Variants in CLTCL1 observed in about 807,000 individuals in gnomAD.
CLTCL1 encodes clathrin heavy chain 2.
In CLTCL1, 159 loss-of-function variants were observed where a neutral mutation model predicts 190.0. That is an observed-to-expected ratio of 0.84 (90% CI 0.74 to 0.95). CLTCL1 has a LOEUF of 0.95. Among genes scored for constraint, CLTCL1 ranks in the 40% least tolerant of loss-of-function variants. The probability of loss-of-function intolerance (pLI) is 0.00; values close to 1 mark genes in which losing one functional copy is unlikely to be tolerated. For missense variants in CLTCL1, 1,878 were observed against 2,033.4 expected (o/e 0.92, Z 1.47); for synonymous variants, 752 against 769.6 (o/e 0.98, Z 0.38).
chr22:19,196,460 G>A (rs782630647), intron 25 of CLTCL1, 29 bp downstream of exon 25: 1 of 1,613,930 alleles, frequency 6.2e-7, no homozygotes, highest in South Asian at 1.1e-5. Flanking sequence ...CGTGGCCACG[G>A]CTGCCAGACT....
At chr22:19,266,979 C>A (rs1289251125) in intron 2 of CLTCL1, among the ~76,000 whole-genome samples, 1 of 152,154 alleles carries the variant, frequency 6.6e-6, no homozygotes, top group African/African-American at 2.4e-5. Context: ...TAATACTGTA[C>A]TGGGTATTCT....
chr22:19,254,124 A>C lies in CLTCL1; in HGVS notation c.354T>G (p.Thr118=), dbSNP rs2086679607. 2 of 1,613,588 alleles carry C rather than the reference A, an allele frequency of 1.2e-6. No individual in the cohort carries two copies. Among genetic ancestry groups the C allele is most frequent in the East Asian group, 2.2e-5 (1 of 44,896 alleles). ...VIFWKWVSVN[T]VALVTETAVY... Reference sequence around the variant, plus strand: ...CCGCGGTCTCGGTCACCAAGGCAACAGTGTTCACAGAAACCCATTTCCAGA... The same window carrying C: ...CCGCGGTCTCGGTCACCAAGGCAACCGTGTTCACAGAAACCCATTTCCAGA... Residue 118 remains threonine, a synonymous_variant, in exon 3 of 33, where the codon ACT becomes ACG. Coordinates refer to ENST00000427926, the MANE Select transcript of CLTCL1 (RefSeq NM_007098.4).
At chr22:19,248,713 A>G (rs2086496848) in intron 3 of CLTCL1, among the ~76,000 whole-genome samples, 1 of 152,084 alleles carries the variant, frequency 6.6e-6, no homozygotes, top group Non-Finnish European at 1.5e-5. Context: ...TCCAAGGTTC[A>G]TTCATGATGT....
chr22:19,202,554 T>TCCCGCACCACCCCTGCTTCACCATCCAC (rs2084930728), intron 22 of CLTCL1, among the ~76,000 whole-genome samples: 1 of 37,882 alleles, frequency 2.6e-5, no homozygotes, highest in Non-Finnish European at 4.4e-5. Context: ...CTGTCATCCA[T>TCCCGCACCACCCCTGCTTCACCATCCAC]GGCACCTCCC....
intron 3 of CLTCL1, among the ~76,000 whole-genome samples, chr22:19,250,415 T>G (rs1348708624): frequency 6.6e-6 from 1 of 151,464 alleles, no homozygotes; most frequent in African/African-American, 2.4e-5. Flanking sequence ...CATGGCTCAC[T>G]GTAACCTTGA....
intron 30 of CLTCL1, chr22:19,181,325 T>C: frequency 6.4e-6 from 1 of 156,198 alleles, no homozygotes; most frequent in Non-Finnish European, 1.4e-5. Flanking sequence ...TCCTCACTCT[T>C]CCCTGAGGCT....
intron 1 of CLTCL1, among the ~76,000 whole-genome samples, chr22:19,278,043 T>C (rs1245152796): frequency 2.0e-5 from 3 of 152,286 alleles, no homozygotes; most frequent in Non-Finnish European, 4.4e-5. Flanking sequence ...AGGATACTGA[T>C]GAACCGCCAG....
intron 18 of CLTCL1, among the ~76,000 whole-genome samples, chr22:19,217,615 C>CAA (rs71184793): frequency 0.012 from 411 of 34,412 alleles, 14 homozygotes; most frequent in Middle Eastern, 0.024. Flanking sequence ...GACTCTGTCT[C>CAA]AAAAAAAAAA....
At chr22:19,238,801 C>T (rs899003517) in intron 5 of CLTCL1, 1 of 153,684 alleles carries the variant, frequency 6.5e-6, no homozygotes, top group African/African-American at 2.4e-5. Flanking sequence ...TCTAGGCTCC[C>T]TCAATGGCAG....
intron 19 of CLTCL1, among the ~76,000 whole-genome samples, chr22:19,211,766 CAA>C (rs66494838): frequency 9.4e-5 from 4 of 42,698 alleles, no homozygotes; most frequent in Admixed American, 5.3e-4. Context: ...GATTGCATCT[CAA>C]AAAAAAAAAA....
chr22:19,255,242 G>A (rs903999485), intron 2 of CLTCL1, among the ~76,000 whole-genome samples: 1 of 152,198 alleles, frequency 6.6e-6, no homozygotes, highest in African/African-American at 2.4e-5. Context: ...CTACAGGAGT[G>A]CAGCAAGATG....
At chr22:19,180,089 C>T (rs1484312907) in intron 32 of CLTCL1, 110 bp downstream of exon 32, 14 of 964,520 alleles carry the variant, frequency 1.5e-5, no homozygotes, top group Non-Finnish European at 2.1e-5. Flanking sequence ...CCCTTACCAC[C>T]CAGACGCTGA....
chr22:19,266,083 A>C (rs781937073), intron 2 of CLTCL1, among the ~76,000 whole-genome samples: 1 of 143,298 alleles, frequency 7.0e-6, no homozygotes, highest in Non-Finnish European at 1.6e-5. Context: ...GAGTCTCCCT[A>C]TGTTGCCCAG....
intron 4 of CLTCL1, among the ~76,000 whole-genome samples, chr22:19,241,721 G>A (rs2086259267): frequency 6.6e-6 from 1 of 152,176 alleles, no homozygotes; most frequent in South Asian, 2.1e-4. Flanking sequence ...AAGCTCTTCT[G>A]TCTCCTCACC....
intron 17 of CLTCL1, among the ~76,000 whole-genome samples, chr22:19,220,350 G>A (rs567145313): frequency 3.5e-4 from 53 of 152,178 alleles, no homozygotes; most frequent in Non-Finnish European, 6.2e-4. Flanking sequence ...AATGTGGTGC[G>A]TGACAGGAAC....
chr22:19,267,404 G>C (rs1346975262), intron 2 of CLTCL1, among the ~76,000 whole-genome samples: 1 of 152,192 alleles, frequency 6.6e-6, no homozygotes, highest in Non-Finnish European at 1.5e-5. Flanking sequence ...TAAATTCAAT[G>C]TAATCTCTAT....
rs188623650 is a variant in CLTCL1, at chr22:19,283,790, G to A, written c.42+7810C>T. On this transcript the variant is annotated intron_variant, in intron 1 of 32. Coordinates refer to ENST00000427926, the MANE Select transcript of CLTCL1 (RefSeq NM_007098.4). ...GTAGATCACTGGAGGTCAGGAATTC[G>A]AGACCAGCCTGGTCAACATGGTGAA... Among the ~76,000 whole-genome samples the A allele has an allele frequency of 3.3e-3, 500 of 151,822 alleles. 1 individual carries two copies. The highest frequency in any genetic ancestry group is 0.011 in the African/African-American group (474 of 41,416).
At chr22:19,237,324 G>C (rs1195721124) in intron 5 of CLTCL1, among the ~76,000 whole-genome samples, 2 of 151,980 alleles carry the variant, frequency 1.3e-5, no homozygotes, top group Non-Finnish European at 2.9e-5. Flanking sequence ...TTTAAAAAAA[G>C]ATCCCAATAG....
At chr22:19,232,629 T>A (rs1555959674) in intron 9 of CLTCL1, 31 bp from the exon 10 acceptor site, 1 of 1,589,812 alleles carries the variant, frequency 6.3e-7, no homozygotes, top group East Asian at 2.3e-5. Flanking sequence ...ATCAGGAAAA[T>A]CAATGAAAAA....
Sources: gnomAD v4.1 joint callset for allele counts (sites outside exome capture counted in the v4.1 genomes callset) on GRCh38, gnomAD v4.1.1 for gene constraint, MANE v1.5 for transcripts, NCBI Gene and HGNC (gene_info 2026-07-23, HGNC 2026-07-21) for gene names.